The following MAP3K1 variants were observed in gnomAD, a reference collection of about 807,000 sequenced individuals.
MAP3K1 encodes the protein MAP/ERK kinase kinase 1.
In MAP3K1, 36 loss-of-function variants were observed where a neutral mutation model predicts 144.2. The observed-to-expected ratio is 0.25, with a 90% confidence interval of 0.19 to 0.33. The LOEUF (loss-of-function observed/expected upper bound fraction) is 0.33, where lower values mean the gene tolerates loss of function less well. Among genes scored for constraint, MAP3K1 ranks in the 10% least tolerant of loss-of-function variants. The pLI is 1.00. For missense variants in MAP3K1, 1,650 were observed against 1,881.9 expected (o/e 0.88, Z 2.28); for synonymous variants, 718 against 688.7 (o/e 1.04, Z -0.67).
At chr5:56,885,327 GTTTGGT>G (rs780767940) in intron 16 of MAP3K1, among the ~76,000 whole-genome samples, 6 of 152,160 alleles carry the variant, frequency 3.9e-5, no homozygotes, top group Non-Finnish European at 7.4e-5. Context: ...TGAACAGATT[GTTTGGT>G]TTAACTTCTT....
chr5:56,838,251 C>T (rs571613154), intron 1 of MAP3K1, among the ~76,000 whole-genome samples: 8 of 152,132 alleles, frequency 5.3e-5, no homozygotes, highest in Admixed American at 5.2e-4. Flanking sequence ...ATTTGTGTTA[C>T]AAGTACAGTT....
intron 3 of MAP3K1, 28 bp from the exon 4 acceptor site, chr5:56,864,706 G>A (rs780015008): frequency 4.4e-5 from 71 of 1,609,952 alleles, no homozygotes; most frequent in Admixed American, 1.7e-4. Flanking sequence ...AATGAGAAAC[G>A]TACCTAATAA....
intron 18 of MAP3K1, 65 bp downstream of exon 18, chr5:56,887,585 T>A: frequency 6.5e-7 from 1 of 1,549,888 alleles, no homozygotes; most frequent in Non-Finnish European, 8.9e-7. Flanking sequence ...AGCATTATAC[T>A]AAATTATCTT....
Position 56,815,797 on chromosome 5 carries a change from AGCAGCC to A in MAP3K1, c.227_232del (p.Gln76_Pro77del). ...AGTGTGGAGCTGGACCAGCTGCCTG[AGCAGCC>A]GCTCTTCCTTGCCGCCTCACCGCCG... On this transcript the variant is annotated inframe_deletion, in exon 1 of 20. Transcript: ENST00000399503. 4.9e-6 allele frequency: 7 copies of A among 1,422,832 alleles called. No individual in the cohort carries two copies. The highest frequency in any genetic ancestry group is 6.4e-6 in the Non-Finnish European group (7 of 1,085,402). The allele number at this position is 1,422,832 out of a possible 1,614,324, so 88.1% of individuals were successfully genotyped here.
In MAP3K1 at chr5:56,849,851, GAC is replaced by G. The variant is rs1290793120; in HGVS notation, c.483-6745_483-6744del. On this transcript the variant is annotated intron_variant, in intron 1 of 19. Transcript: ENST00000399503. The stretch of plus-strand genomic sequence containing the variant: ...ATTCATTTTCCTTTTGTTCTTGGAA[GAC>G]ACAGACTGTGAAATCACTCTCATCT... Among the ~76,000 whole-genome samples, 8 of 152,306 alleles carry G rather than the reference GAC, an allele frequency of 5.3e-5. 1 individual carries two copies. In the South Asian group the frequency reaches 1.7e-3, roughly 32 times the overall value.
chr5:56,893,584 A>G lies in MAP3K1; in HGVS notation c.4443A>G (p.Leu1481=), dbSNP rs763932987. Residue 1481 remains leucine (L), a synonymous_variant, in exon 20 of 20, where the codon TTA becomes TTG. Transcript: ENST00000399503. ...PSIPSHLSPG[L]RDVALRCLEL... is the part of the protein sequence containing the mutation. ...TCCCTTCACATTTGTCTCCTGGTTT[A>G]CGAGATGTGGCTCTTCGTTGTTTAG... 1 of 1,614,012 alleles carries G rather than the reference A, an allele frequency of 6.2e-7. No individual in the cohort carries two copies. Among genetic ancestry groups the G allele is most frequent in the South Asian group, 1.1e-5 (1 of 91,082 alleles).
intron 1 of MAP3K1, among the ~76,000 whole-genome samples, chr5:56,841,579 T>G (rs1422764179): frequency 2.0e-5 from 3 of 152,126 alleles, no homozygotes; most frequent in Non-Finnish European, 4.4e-5. Flanking sequence ...CTCAAAAAAA[T>G]TTTGGGAAGT....
In MAP3K1 at chr5:56,885,981, A is replaced by G. The variant is rs373786294; in HGVS notation, c.4032A>G (p.Ser1344=). The change falls in exon 17 of 20, where the codon TCA becomes TCG. Residue 1344 remains serine, a synonymous_variant. Transcript: ENST00000399503. ...GTAAATATGGAGCCTTCAAAGAATC[A>G]GTAGTTATTAACTACACTGAACAGT... ...LLSKYGAFKE[S]VVINYTEQLL... is the part of the protein sequence containing the mutation. 1.5e-5 allele frequency: 24 copies of G among 1,611,276 alleles called. No homozygotes were observed. The African/African-American group carries it at 3.1e-4, about 21-fold the overall frequency.
At chr5:56,889,609 A>T (rs563212803) in intron 19 of MAP3K1, among the ~76,000 whole-genome samples, 21 of 152,216 alleles carry the variant, frequency 1.4e-4, no homozygotes, top group African/African-American at 4.8e-4. Context: ...TTTTCAGTAG[A>T]TGTGATGGTT....
At position 56,815,686 on chromosome 5, in the gene MAP3K1, C is replaced by T. The variant is rs1290515612; in HGVS notation, c.113C>T (p.Ala38Val). ...GCCCTCAAGGCGAGCAGCGCGCCCG[C>T]GGCTGCCGCGGGACTGCTGCGGGAG... The part of the protein sequence containing the change: ...GGALKASSAP[A>V]AAAGLLREAG... The change falls in exon 1 of 20, where the codon GCG becomes GTG. Residue 38 changes from alanine to valine, a missense_variant. Around this residue, in one of 6 missense-constraint regions of MAP3K1, gnomAD observed 360 missense variants for 274.7 expected, o/e 1.31. Transcript: ENST00000399503. 4 of 1,302,694 alleles carry T rather than the reference C, an allele frequency of 3.1e-6. No homozygotes were observed. In the East Asian group the frequency reaches 9.5e-5, roughly 31 times the overall value. 80.7% of individuals were successfully genotyped at this position (1,302,694 alleles called of 1,614,324 possible). A position where few individuals can be genotyped will look rare whatever the true frequency, so the allele number is the denominator to read the frequency against.
intron 1 of MAP3K1, among the ~76,000 whole-genome samples, chr5:56,827,336 T>C (rs1004164100): frequency 6.6e-6 from 1 of 152,078 alleles, no homozygotes; most frequent in Admixed American, 6.5e-5. Flanking sequence ...CACAGAGTGT[T>C]AGGAAGTGGG....
chr5:56,854,765 G>A (rs539822397), intron 1 of MAP3K1, among the ~76,000 whole-genome samples: 35 of 152,308 alleles, frequency 2.3e-4, no homozygotes, highest in African/African-American at 7.0e-4. Context: ...TCCTGAAACA[G>A]ATTTGGGGGA....
chr5:56,886,646 G>A (rs1383145804), intron 17 of MAP3K1, among the ~76,000 whole-genome samples: 3 of 152,144 alleles, frequency 2.0e-5, no homozygotes, highest in Admixed American at 6.6e-5. Flanking sequence ...CTCATGATAC[G>A]CTGACTCCCA....
At chr5:56,854,740 G>A (rs900099546) in intron 1 of MAP3K1, among the ~76,000 whole-genome samples, 3 of 152,182 alleles carry the variant, frequency 2.0e-5, no homozygotes, top group Non-Finnish European at 4.4e-5. Flanking sequence ...AAAATCCATA[G>A]CAGAGAAGAG....
chr5:56,822,966 C>T (rs1055399460), intron 1 of MAP3K1, among the ~76,000 whole-genome samples: 1 of 152,304 alleles, frequency 6.6e-6, no homozygotes, highest in South Asian at 2.1e-4. Flanking sequence ...TGCCCATTGT[C>T]TCTCATTTCC....
chr5:56,871,880 C>CTAT (rs1561192992), intron 6 of MAP3K1, 30 bp from the exon 7 acceptor site: 1 of 1,608,950 alleles, frequency 6.2e-7, no homozygotes, highest in Admixed American at 1.7e-5. Flanking sequence ...TTCTTTTATG[C>CTAT]TTAATACTTT....
intron 1 of MAP3K1, among the ~76,000 whole-genome samples, chr5:56,837,732 T>C (rs554149720): frequency 1.4e-4 from 21 of 152,336 alleles, no homozygotes; most frequent in Admixed American, 5.2e-4. Flanking sequence ...GTGCCAGGCT[T>C]TCTGCTGGGG....
At chr5:56,876,420 C>G (rs546984876) in intron 10 of MAP3K1, among the ~76,000 whole-genome samples, 15 of 152,302 alleles carry the variant, frequency 9.8e-5, no homozygotes, top group Admixed American at 6.5e-5. Context: ...CTTCCTCCCT[C>G]AGTCTTTTTC....
chr5:56,819,318 A>T (rs1746081139), intron 1 of MAP3K1, among the ~76,000 whole-genome samples: 1 of 152,200 alleles, frequency 6.6e-6, no homozygotes. Flanking sequence ...ATATTCATTT[A>T]CAACTTCCAT....
Sources: gnomAD v4.1 joint callset for allele counts (sites outside exome capture counted in the v4.1 genomes callset) on GRCh38, gnomAD v4.1.1 for gene constraint, gnomAD v4.1.1 regional missense constraint, MANE v1.5 for transcripts, NCBI Gene and HGNC (gene_info 2026-07-23, HGNC 2026-07-21) for gene names.